KAT6B: variants seen among roughly 807,000 people sequenced by gnomAD.
KAT6B encodes the protein lysine acetyltransferase 6B, also known as histone acetyltransferase KAT6B.
A neutral mutation model predicts 187.5 loss-of-function variants in KAT6B; 10 were observed. The observed-to-expected ratio is 0.05, with a 90% CI of 0.03 to 0.09. KAT6B has a LOEUF of 0.09. Ranked by LOEUF, KAT6B falls within the 10% of genes least tolerant of loss-of-function variation. The pLI, the probability that KAT6B is intolerant of heterozygous loss-of-function variation, is 1.00. For synonymous variants in KAT6B, 861 were observed against 926.8 expected (o/e 0.93, Z 1.29); for missense variants, 1,952 against 2,558.9 (o/e 0.76, Z 5.12).
At chr10:74,905,116 T>C (rs1392570859) in intron 3 of KAT6B, among the ~76,000 whole-genome samples, 1 of 152,232 alleles carries the variant, frequency 6.6e-6, no homozygotes, top group Non-Finnish European at 1.5e-5. Context: ...GCATAGATAG[T>C]CTAAAAGTGA....
At chr10:74,898,166 A>G (rs1421914588) in intron 3 of KAT6B, among the ~76,000 whole-genome samples, 3 of 152,138 alleles carry the variant, frequency 2.0e-5, no homozygotes, top group Admixed American at 2.0e-4. Flanking sequence ...ACAAAAAGGG[A>G]AAAGCACCTA....
intron 3 of KAT6B, among the ~76,000 whole-genome samples, chr10:74,862,472 C>G (rs1843248599): frequency 6.6e-6 from 1 of 152,166 alleles, no homozygotes; most frequent in Non-Finnish European, 1.5e-5. Flanking sequence ...CACCTCCATG[C>G]TGCTTAAATA....
intron 4 of KAT6B, among the ~76,000 whole-genome samples, chr10:74,962,537 C>T (rs977037346): frequency 6.6e-6 from 1 of 152,028 alleles, no homozygotes; most frequent in Admixed American, 6.6e-5. Flanking sequence ...CAAAGGGATC[C>T]CAAAATGTAA....
At position 74,981,919 on chromosome 10, in the gene KAT6B, A is replaced by G. The variant is rs1232860152; in HGVS notation, c.2364A>G (p.Ser788=). The G allele has an allele frequency of 5.0e-6, 8 of 1,613,884 alleles. No individual in the cohort carries two copies. In the South Asian group the frequency reaches 7.7e-5, roughly 16 times the overall value. The change falls in exon 11 of 18, where the codon TCA becomes TCG. Residue 788 remains serine, a synonymous_variant. Coordinates refer to ENST00000287239, the MANE Select transcript of KAT6B (RefSeq NM_012330.4). Reference sequence around the variant, plus strand: ...AAATTTACCGAAGGAAAGACCTTTCAGTATTTGAGGTAAGCGCGTGTAAAT... The same window carrying G: ...AAATTTACCGAAGGAAAGACCTTTCGGTATTTGAGGTAAGCGCGTGTAAAT... ...ANEIYRRKDL[S]VFEVDGNMSK... is the part of the protein sequence containing the mutation.
intron 3 of KAT6B, among the ~76,000 whole-genome samples, chr10:74,873,942 A>G (rs1463830937): frequency 1.3e-5 from 2 of 152,198 alleles, no homozygotes. Context: ...ACCAAAATAT[A>G]GGCATGAAAT....
chr10:75,001,291 C>G (rs149050058), intron 13 of KAT6B, among the ~76,000 whole-genome samples: 4 of 152,254 alleles, frequency 2.6e-5, no homozygotes, highest in African/African-American at 9.6e-5. Flanking sequence ...GCTTGTTTCT[C>G]CTTTAGCCTC....
chr10:74,894,894 CTT>C (rs897321596), intron 3 of KAT6B, among the ~76,000 whole-genome samples: 2 of 152,114 alleles, frequency 1.3e-5, no homozygotes, highest in Admixed American at 6.6e-5. Flanking sequence ...GCAAAAATCT[CTT>C]TGAGATCCTT....
At chr10:75,014,014 G>T (rs983873452) in intron 13 of KAT6B, among the ~76,000 whole-genome samples, 3 of 152,192 alleles carry the variant, frequency 2.0e-5, no homozygotes, top group Non-Finnish European at 4.4e-5. Context: ...AGTGCACATG[G>T]TCTCAAAGTA....
intron 3 of KAT6B, among the ~76,000 whole-genome samples, chr10:74,849,708 T>C (rs1842344640): frequency 6.6e-6 from 1 of 152,236 alleles, no homozygotes; most frequent in Admixed American, 6.5e-5. Flanking sequence ...AAGTGTTAAA[T>C]GCTGGCACTA....
chr10:74,879,033 A>G (rs1230624351), intron 3 of KAT6B, among the ~76,000 whole-genome samples: 1 of 152,134 alleles, frequency 6.6e-6, no homozygotes, highest in African/African-American at 2.4e-5. Flanking sequence ...TTCTGCTTAT[A>G]TTTCATTGGC....
At chr10:74,841,489 C>T (rs1394787640) in intron 2 of KAT6B, among the ~76,000 whole-genome samples, 1 of 151,916 alleles carries the variant, frequency 6.6e-6, no homozygotes, top group African/African-American at 2.4e-5. Flanking sequence ...CGCTTGAACC[C>T]AGAAGGCAGA....
At chr10:75,021,012 G>A in intron 14 of KAT6B, 114 bp from the exon 15 acceptor site, 3 of 1,109,598 alleles carry the variant, frequency 2.7e-6, no homozygotes, top group Admixed American at 3.4e-5. Flanking sequence ...TCATTGAGGT[G>A]CTTTCTGATT....
chr10:74,968,162 G>A (rs143297150), intron 4 of KAT6B, among the ~76,000 whole-genome samples: 2 of 152,122 alleles, frequency 1.3e-5, no homozygotes, highest in South Asian at 2.1e-4. Flanking sequence ...CTTAGAAGTC[G>A]ACAAGCAAGC....
intron 3 of KAT6B, among the ~76,000 whole-genome samples, chr10:74,890,746 T>C (rs1845592167): frequency 6.6e-6 from 1 of 152,252 alleles, no homozygotes; most frequent in African/African-American, 2.4e-5. Flanking sequence ...TTACATTTAA[T>C]CTTTTGGTTA....
At chr10:74,873,195 T>C (rs1844134792) in intron 3 of KAT6B, among the ~76,000 whole-genome samples, 1 of 151,982 alleles carries the variant, frequency 6.6e-6, no homozygotes, top group African/African-American at 2.4e-5. Context: ...GCATGGTGGC[T>C]CACGGCTATA....
At chr10:75,023,335 CCTGGCAGT>C (rs1564627263) in intron 16 of KAT6B, 1 of 152,236 alleles carries the variant, frequency 6.6e-6, no homozygotes, top group Non-Finnish European at 1.5e-5. Flanking sequence ...CTCTTCTAGG[CCTGGCAGT>C]CTTCTGGAAG....
intron 13 of KAT6B, among the ~76,000 whole-genome samples, chr10:75,018,057 C>T (rs1845107834): frequency 6.6e-6 from 1 of 152,192 alleles, no homozygotes; most frequent in Non-Finnish European, 1.5e-5. Flanking sequence ...CGGATAGTGG[C>T]CTTGTGCAGT....
chr10:74,854,066 G>A (rs1243639480), intron 3 of KAT6B, among the ~76,000 whole-genome samples: 2 of 152,192 alleles, frequency 1.3e-5, no homozygotes, highest in East Asian at 3.9e-4. Flanking sequence ...GATCACACTA[G>A]CATTTAAAAT....
intron 13 of KAT6B, among the ~76,000 whole-genome samples, chr10:74,997,782 C>T (rs999394540): frequency 5.9e-5 from 9 of 151,988 alleles, no homozygotes; most frequent in African/African-American, 2.2e-4. Context: ...GTATCAAAAA[C>T]ATCTAATGGT....
Sources: allele counts gnomAD v4.1 joint callset (sites outside exome capture counted in the v4.1 genomes callset), GRCh38; gene constraint gnomAD v4.1.1; transcripts MANE v1.5; gene names NCBI Gene and HGNC (gene_info 2026-07-23, HGNC 2026-07-21).